AIG1: variants seen among roughly 807,000 people sequenced by gnomAD.
AIG1 encodes the protein androgen-induced gene 1 protein.
In AIG1, 23 loss-of-function variants were observed where a neutral mutation model predicts 31.4. The ratio of observed to expected loss-of-function variants is 0.73; its 90% CI spans 0.53 to 1.04. The LOEUF (loss-of-function observed/expected upper bound fraction) is 1.04. Ranked by LOEUF, AIG1 falls within the 50% of genes least tolerant of loss-of-function variation. AIG1 has a pLI of 0.00. For missense variants in AIG1, 274 were observed against 295.0 expected (o/e 0.93, Z 0.52); for synonymous variants, 100 against 110.5 (o/e 0.90, Z 0.60).
At chr6:143,060,191 C>T (rs550180598), upstream of AIG1, among the ~76,000 whole-genome samples, 9 of 152,326 alleles carry the variant, frequency 5.9e-5, no homozygotes, top group African/African-American at 2.2e-4. Context: ...TTCAATCTGT[C>T]ATGGAAAAGT....
At chr6:143,090,523 G>A (rs1355269404) in intron 1 of AIG1, among the ~76,000 whole-genome samples, 1 of 152,164 alleles carries the variant, frequency 6.6e-6, no homozygotes, top group African/African-American at 2.4e-5. Context: ...TTTGGGTTCA[G>A]ACCACAGCAG....
intron 1 of AIG1, among the ~76,000 whole-genome samples, chr6:143,090,635 T>C (rs1022958275): frequency 7.2e-5 from 11 of 152,224 alleles, no homozygotes; most frequent in African/African-American, 2.4e-4. Flanking sequence ...AAGTGTGCAA[T>C]GCCATTATGT....
intron 3 of AIG1, among the ~76,000 whole-genome samples, chr6:143,200,379 C>CT (rs1162615373): frequency 6.6e-6 from 1 of 152,192 alleles, no homozygotes; most frequent in Non-Finnish European, 1.5e-5. Flanking sequence ...CTATGAGTCA[C>CT]TGGTGTAACA....
At position 143,337,965 on chromosome 6, in the gene AIG1, G is replaced by A. The variant is rs577467258; in HGVS notation, c.680-1674G>A. ...TATTTACAGCTGTCTAATTTTTTCT[G>A]TCTACCTCACAGCTGCCAAACTAAA... On this transcript the variant is annotated intron_variant, in intron 5 of 5. Transcript: ENST00000357847. 8.1e-4 allele frequency: 321 copies of A among 398,470 alleles called. 1 individual carries two copies. The Middle Eastern group carries it at 0.011, about 13-fold the overall frequency. The allele number at this position is 398,470 out of a possible 1,614,324, so 24.7% of individuals were successfully genotyped here. A position where few individuals can be genotyped will look rare whatever the true frequency, so the allele number is the denominator to read the frequency against.
chr6:143,153,875 A>G (rs1785474402), intron 2 of AIG1, among the ~76,000 whole-genome samples: 1 of 151,870 alleles, frequency 6.6e-6, no homozygotes, highest in African/African-American at 2.4e-5. Flanking sequence ...CTATGAAATA[A>G]TAGTCTCTGA....
chr6:143,101,579 A>G (rs1780283741), intron 1 of AIG1, among the ~76,000 whole-genome samples: 1 of 152,134 alleles, frequency 6.6e-6, no homozygotes, highest in Non-Finnish European at 1.5e-5. Flanking sequence ...AAAACTGGGA[A>G]GACGGAATCC....
At chr6:143,073,595 A>T (rs577300395) in intron 1 of AIG1, among the ~76,000 whole-genome samples, 1 of 152,242 alleles carries the variant, frequency 6.6e-6, no homozygotes, top group Non-Finnish European at 1.5e-5. Context: ...ATGGTATCTC[A>T]TAGTGGTTTT....
At chr6:143,130,960 G>A (rs150246951) in intron 1 of AIG1, among the ~76,000 whole-genome samples, 741 of 152,252 alleles carry the variant, frequency 4.9e-3, no homozygotes, top group South Asian at 0.011. Flanking sequence ...TCAGTTATAA[G>A]TGAGAACATG....
intron 1 of AIG1, among the ~76,000 whole-genome samples, chr6:143,085,045 A>T (rs1475947185): frequency 2.0e-5 from 3 of 152,194 alleles, no homozygotes; most frequent in African/African-American, 7.2e-5. Context: ...GTAACATTAC[A>T]TCTCTCCATG....
intron 3 of AIG1, among the ~76,000 whole-genome samples, chr6:143,215,859 AT>A: frequency 6.6e-6 from 1 of 152,158 alleles, no homozygotes; most frequent in Non-Finnish European, 1.5e-5. Context: ...GAAAATAAAC[AT>A]TTTAGGCTTT....
chr6:143,162,069 A>G (rs1200896561), intron 2 of AIG1, among the ~76,000 whole-genome samples: 1 of 152,268 alleles, frequency 6.6e-6, no homozygotes, highest in Non-Finnish European at 1.5e-5. Context: ...GAACTACTAC[A>G]TGAATTTAGC....
chr6:143,114,347 G>T (rs2128493239), intron 1 of AIG1, among the ~76,000 whole-genome samples: 1 of 152,312 alleles, frequency 6.6e-6, no homozygotes, highest in East Asian at 1.9e-4. Flanking sequence ...AAGGGAAAAT[G>T]CTGCGAGAAC....
Position 143,333,307 on chromosome 6 carries a change from G to A in AIG1, c.541G>A (p.Gly181Ser). The change falls in exon 5 of 6, where the codon GGC (glycine) becomes AGC (serine). Residue 181 changes from glycine to serine, a missense_variant. Transcript: ENST00000357847. The surrounding 1 kb of genome is among the most constrained non-coding windows in gnomAD (Gnocchi z 4.6). The part of the protein sequence containing the change: ...LWVCWVHHVT[G>S]MWVYPFLEHI... ...GGTGTGCTGGGTGCATCATGTAACT[G>A]GCATGTGGGTGTACCCTTTCCTGGA... 2.5e-6 allele frequency: 4 copies of A among 1,612,866 alleles called. No homozygotes were observed. The highest frequency in any genetic ancestry group is 1.1e-5 in the South Asian group (1 of 90,794).
intron 1 of AIG1, among the ~76,000 whole-genome samples, chr6:143,116,970 C>T (rs188402532): frequency 3.3e-5 from 5 of 152,150 alleles, no homozygotes; most frequent in South Asian, 4.2e-4. Context: ...TGTTCCTCAT[C>T]GACAAGGAAC....
At chr6:143,100,263 G>C (rs1233259493) in intron 1 of AIG1, among the ~76,000 whole-genome samples, 1 of 152,178 alleles carries the variant, frequency 6.6e-6, no homozygotes, top group Non-Finnish European at 1.5e-5. Context: ...CATGAAGAGG[G>C]CTTCCCTTTG....
chr6:143,164,835 C>T lies in AIG1; in HGVS notation c.298-247C>T, dbSNP rs368095226. 110 of 357,138 alleles carry T rather than the reference C, an allele frequency of 3.1e-4. 1 individual carries two copies. The East Asian group carries it at 4.6e-3, about 15-fold the overall frequency. 22.1% of individuals were successfully genotyped at this position (357,138 alleles called of 1,614,324 possible). A position where few individuals can be genotyped will look rare whatever the true frequency, so the allele number is the denominator to read the frequency against. ...ACACGAAAACAGGCCTCTTCTCTCT[C>T]CCTCAGAAACCAATCCCTTTGCCTG... On this transcript the variant is annotated intron_variant, in intron 2 of 5. Transcript: ENST00000357847.
intron 3 of AIG1, among the ~76,000 whole-genome samples, chr6:143,239,083 C>T (rs531292575): frequency 6.6e-6 from 1 of 152,286 alleles, no homozygotes; most frequent in Non-Finnish European, 1.5e-5. Flanking sequence ...GATGAATTTC[C>T]AGCTGTAATT....
intron 3 of AIG1, among the ~76,000 whole-genome samples, chr6:143,264,570 C>T (rs1017074743): frequency 7.2e-5 from 11 of 152,138 alleles, no homozygotes; most frequent in East Asian, 1.9e-4. Flanking sequence ...GACCAGATGT[C>T]GCCCGATTAT....
At chr6:143,079,977 AT>A (rs771524661) in intron 1 of AIG1, among the ~76,000 whole-genome samples, 2 of 152,052 alleles carry the variant, frequency 1.3e-5, no homozygotes, top group Non-Finnish European at 2.9e-5. Context: ...TTTTAGCCTA[AT>A]TTGTATTTTA....
Sources: allele counts gnomAD v4.1 joint callset (sites outside exome capture counted in the v4.1 genomes callset), GRCh38; gene constraint gnomAD v4.1.1; non-coding constraint Gnocchi (gnomAD v3.1); transcripts MANE v1.5; gene names NCBI Gene and HGNC (gene_info 2026-07-23, HGNC 2026-07-21).